Variants in PHIP observed in about 807,000 individuals in gnomAD.
PHIP encodes PH-interacting protein.
In PHIP, 54 loss-of-function variants were observed where a neutral mutation model predicts 236.8. The observed-to-expected ratio is 0.23, with a 90% CI of 0.18 to 0.29. The LOEUF is 0.29. Ranked by LOEUF, PHIP falls within the 10% of genes least tolerant of loss-of-function variation. PHIP has a pLI of 1.00. For synonymous variants in PHIP, 756 were observed against 718.9 expected (o/e 1.05, Z -0.83); for missense variants, 1,370 against 2,190.8 (o/e 0.63, Z 7.48).
At chr6:79,071,913 TTTC>T (rs1449646476) in intron 4 of PHIP, among the ~76,000 whole-genome samples, 1 of 151,694 alleles carries the variant, frequency 6.6e-6, no homozygotes, top group African/African-American at 2.4e-5. Flanking sequence ...TTATTATTAT[TTTC>T]TTATTATTCA....
intron 24 of PHIP, among the ~76,000 whole-genome samples, chr6:78,971,767 G>A (rs1042011523): frequency 2.6e-5 from 4 of 152,124 alleles, no homozygotes; most frequent in Non-Finnish European, 5.9e-5. Flanking sequence ...AAGGGGTGAC[G>A]GACGGCACCT....
intron 9 of PHIP, among the ~76,000 whole-genome samples, chr6:79,024,532 C>T (rs9352685): frequency 0.29 from 43,646 of 152,044 alleles, 6,385 homozygotes; most frequent in Admixed American, 0.31. Flanking sequence ...AGGCTGGGCA[C>T]GGTGGCTCAT....
At chr6:79,053,311 C>A (rs1772897192) in intron 6 of PHIP, among the ~76,000 whole-genome samples, 1 of 152,054 alleles carries the variant, frequency 6.6e-6, no homozygotes, top group African/African-American at 2.4e-5. Flanking sequence ...GAGACTCAAT[C>A]TCAAAAGAAT....
At chr6:78,958,730 A>G in intron 31 of PHIP, 130 bp from the exon 32 acceptor site, 1 of 649,292 alleles carries the variant, frequency 1.5e-6, no homozygotes, top group Non-Finnish European at 2.7e-6. Flanking sequence ...GGTCTTATAA[A>G]GTCATTTTCA....
chr6:78,978,572 A>C lies in PHIP; in HGVS notation c.2889+20T>G, dbSNP rs1176540110. The C allele has an allele frequency of 6.4e-7, 1 of 1,557,112 alleles. No individual in the cohort carries two copies. The highest frequency in any genetic ancestry group is 8.7e-7 in the Non-Finnish European group (1 of 1,143,632). On this transcript the variant is annotated intron_variant, in intron 24 of 39. Transcript: ENST00000275034. ...AAAACTATGTGAGGAAAAATGGATA[A>C]TTTAAAACTTTTAAAGTACCTCATC...
rs932588275 is a variant in PHIP, at chr6:79,025,637, G to GA, written c.823-19dup. The GA allele has an allele frequency of 2.3e-5, 34 of 1,484,306 alleles. No homozygotes were observed. Among genetic ancestry groups the GA allele is most frequent in the East Asian group, 4.5e-5 (2 of 44,068 alleles). 91.9% of individuals were successfully genotyped at this position (1,484,306 alleles called of 1,614,324 possible). Reference sequence around the variant, plus strand: ...GGTGAGAACTGAAAAGACAATCACAGAAAAAAAATCTTTACAAGAGTGACA... The same window carrying GA: ...GGTGAGAACTGAAAAGACAATCACAGAAAAAAAAATCTTTACAAGAGTGACA... On this transcript the variant is annotated intron_variant, in intron 8 of 39. Transcript: ENST00000275034.
At chr6:78,974,830 T>C (rs1045809298) in intron 24 of PHIP, among the ~76,000 whole-genome samples, 50 of 150,930 alleles carry the variant, frequency 3.3e-4, no homozygotes, top group African/African-American at 1.1e-3. Context: ...CAGGAAGAAG[T>C]TGAATCTCTG....
intron 6 of PHIP, among the ~76,000 whole-genome samples, chr6:79,057,965 T>C (rs1320681162): frequency 1.3e-5 from 2 of 152,110 alleles, no homozygotes; most frequent in Non-Finnish European, 2.9e-5. Context: ...CCTATGACTA[T>C]GCAAGTTGAG....
At chr6:78,945,537 G>A (rs770972974) in intron 38 of PHIP, 40 bp from the exon 39 acceptor site, 2 of 1,228,834 alleles carry the variant, frequency 1.6e-6, no homozygotes, top group South Asian at 1.3e-5. Context: ...AAGAGTTATT[G>A]AACCTAAAGA....
At chr6:78,993,528 A>ATT (rs1019563465) in intron 19 of PHIP, among the ~76,000 whole-genome samples, 3 of 152,222 alleles carry the variant, frequency 2.0e-5, no homozygotes, top group African/African-American at 7.2e-5. Context: ...GCTAATGCTC[A>ATT]TTTATCATTC....
chr6:79,056,282 C>G (rs1773067512), intron 6 of PHIP, among the ~76,000 whole-genome samples: 1 of 152,066 alleles, frequency 6.6e-6, no homozygotes, highest in African/African-American at 2.4e-5. Flanking sequence ...GAGGGGCATT[C>G]CAGGGAGAAA....
In PHIP at chr6:78,996,617, G is replaced by A. The variant is rs2127727721; in HGVS notation, c.2201+797C>T. ...ATATTTGTCATAAGAAAGTGTAAAT[G>A]TATACCTTTGGTGTGTATTTAATTC... On this transcript the variant is annotated intron_variant, in intron 19 of 39. Coordinates refer to ENST00000275034, the MANE Select transcript of PHIP (RefSeq NM_017934.7). Among the ~76,000 whole-genome samples, 3 of 152,294 alleles carry A rather than the reference G, an allele frequency of 2.0e-5. No individual in the cohort carries two copies. In the Middle Eastern group the frequency reaches 0.01, roughly 518 times the overall value.
intron 4 of PHIP, among the ~76,000 whole-genome samples, chr6:79,069,128 T>C (rs1461185455): frequency 6.7e-6 from 1 of 149,942 alleles, no homozygotes; most frequent in Non-Finnish European, 1.5e-5. Flanking sequence ...CTGTAGCATA[T>C]AAACAAAATT....
At chr6:78,954,363 C>A (rs1026546772) in intron 35 of PHIP, among the ~76,000 whole-genome samples, 4 of 152,092 alleles carry the variant, frequency 2.6e-5, no homozygotes, top group Non-Finnish European at 5.9e-5. Flanking sequence ...GCCTCGGCCT[C>A]CCAAAGTGCT....
At chr6:78,973,936 A>G (rs1217068468) in intron 24 of PHIP, among the ~76,000 whole-genome samples, 1 of 152,008 alleles carries the variant, frequency 6.6e-6, no homozygotes, top group Non-Finnish European at 1.5e-5. Context: ...GGGAGACTTT[A>G]ACACCCCACT....
chr6:78,951,549 C>G (rs1272456227), intron 35 of PHIP, among the ~76,000 whole-genome samples: 2 of 152,136 alleles, frequency 1.3e-5, no homozygotes, highest in African/African-American at 2.4e-5. Context: ...TTTTCTTTTT[C>G]TCTTCTGTGA....
At chr6:78,972,343 A>C in intron 24 of PHIP, among the ~76,000 whole-genome samples, 1 of 152,208 alleles carries the variant, frequency 6.6e-6, no homozygotes, top group East Asian at 1.9e-4. Flanking sequence ...AAAACTAACA[A>C]ACAGAAAGGA....
chr6:78,938,924 A>C lies in PHIP; in HGVS notation c.*1769T>G, dbSNP rs1773368970. On this transcript the variant is annotated 3_prime_UTR_variant, in exon 40 of 40. Coordinates refer to ENST00000275034, the MANE Select transcript of PHIP (RefSeq NM_017934.7). Reference sequence around the variant, plus strand: ...CTTATCAGAAATAATTATGTAATGTATTTTGCCAAGGTTCAATTGCAGACT... The same window carrying C: ...CTTATCAGAAATAATTATGTAATGTCTTTTGCCAAGGTTCAATTGCAGACT... 1 of 151,616 alleles carries C rather than the reference A, an allele frequency of 6.6e-6. No homozygotes were observed. 9.4% of individuals were successfully genotyped at this position (151,616 alleles called of 1,614,324 possible).
chr6:79,066,124 G>GA lies in PHIP; in HGVS notation c.190-5307dup, dbSNP rs1459886014. The stretch of plus-strand genomic sequence containing the variant: ...TCTGCCATACAATATTATTTCAGGG[G>GA]AAAAATAACCCCTCAAGATCCCCAA... On this transcript the variant is annotated intron_variant, in intron 4 of 39. Transcript: ENST00000275034. Among the ~76,000 whole-genome samples, 20 of 151,958 alleles carry GA rather than the reference G, an allele frequency of 1.3e-4. No homozygotes were observed. In the East Asian group the frequency reaches 3.7e-3, roughly 28 times the overall value.
Sources: allele counts gnomAD v4.1 joint callset (sites outside exome capture counted in the v4.1 genomes callset), GRCh38; gene constraint gnomAD v4.1.1; transcripts MANE v1.5; gene names NCBI Gene and HGNC (gene_info 2026-07-23, HGNC 2026-07-21).